The following ZNF91 variants were observed in gnomAD, a reference collection of about 807,000 sequenced individuals.
The protein encoded by ZNF91 is zinc finger protein 91, also known as zinc finger protein 91 (HPF7, HTF10).
A neutral mutation model predicts 12.6 loss-of-function variants in ZNF91; 7 were observed. That is an observed-to-expected ratio of 0.55 (90% CI 0.31 to 1.04). ZNF91 has a LOEUF of 1.04. ZNF91 is among the 50% of genes least tolerant of loss of function. The probability of loss-of-function intolerance (pLI) is 0.05; values close to 1 mark genes in which losing one functional copy is unlikely to be tolerated. For synonymous variants in ZNF91, 453 were observed against 462.6 expected (o/e 0.98, Z 0.27); for missense variants, 1,217 against 1,385.4 (o/e 0.88, Z 1.93).
At chr19:23,315,766 T>C (rs1967547334) in intron 1 of ZNF91, among the ~76,000 whole-genome samples, 1 of 152,198 alleles carries the variant, frequency 6.6e-6, no homozygotes. Context: ...GAGACATTGC[T>C]ACATATTTCT....
Position 23,361,033 on chromosome 19 carries a change from T to C in ZNF91, c.1946A>G (p.Lys649Arg). The change falls in exon 4 of 4, where the codon AAG (lysine) becomes AGG (arginine). Residue 649 changes from lysine to arginine, a missense_variant. This residue lies in a region of ZNF91 where 726 missense variants were observed against 895.5 expected (regional missense o/e 0.81). Transcript: ENST00000300619. ...GGGTTTCTCTCCAGTATGAATTCTC[T>C]TATGTTTAGCAAGGGCTGAAGAATG... ...FSHSSALAKH[K>R]RIHTGEKPYK... 6.2e-7 allele frequency: 1 copy of C among 1,603,654 alleles called. No homozygotes were observed. The highest frequency in any genetic ancestry group is 8.5e-7 in the Non-Finnish European group (1 of 1,171,748).
intron 1 of ZNF91, among the ~76,000 whole-genome samples, chr19:23,383,275 T>TTTTGGTAAA (rs1969776999): frequency 6.6e-6 from 1 of 152,208 alleles, no homozygotes; most frequent in African/African-American, 2.4e-5. Flanking sequence ...CAGAAAAAGC[T>TTTTGGTAAA]TTTGGTAAAT....
Position 23,388,456 on chromosome 19 carries a change from A to C in ZNF91, c.30+6869T>G, listed in dbSNP as rs554115267. On this transcript the variant is annotated intron_variant, in intron 1 of 3. Coordinates refer to ENST00000300619, the MANE Select transcript of ZNF91 (RefSeq NM_003430.4). ...AAAACAACAAAACTGAAGGCATTACATTACCTGTTTTCAAATTATACTACA... is the reference window on the plus strand; with the variant it reads ...AAAACAACAAAACTGAAGGCATTACCTTACCTGTTTTCAAATTATACTACA... Among the ~76,000 whole-genome samples the C allele has an allele frequency of 2.0e-5, 3 of 152,338 alleles. No homozygotes were observed. In the South Asian group the frequency reaches 6.2e-4, roughly 32 times the overall value.
intron 1 of ZNF91, among the ~76,000 whole-genome samples, chr19:23,319,783 C>T (rs1324627524): frequency 6.6e-6 from 1 of 152,210 alleles, no homozygotes; most frequent in African/African-American, 2.4e-5. Flanking sequence ...ATGTTACTCT[C>T]CTGCTTACTC....
At chr19:23,364,152 C>T (rs1028774042) in intron 3 of ZNF91, among the ~76,000 whole-genome samples, 1 of 152,196 alleles carries the variant, frequency 6.6e-6, no homozygotes, top group South Asian at 2.1e-4. Context: ...AACCCCGTCT[C>T]TACTAAAACT....
intron 1 of ZNF91, chr19:23,380,623 A>C (rs2145116881): frequency 6.6e-6 from 1 of 152,328 alleles, no homozygotes; most frequent in East Asian, 1.9e-4. Context: ...AAAGCGTCTT[A>C]AGAAAAAACT....
chr19:23,326,030 G>A (rs295416), intron 1 of ZNF91: 44,440 of 152,052 alleles, frequency 0.29, 6,855 homozygotes, highest in East Asian at 0.39. Context: ...CTGCCACACT[G>A]AATAATTCTT....
intron 1 of ZNF91, among the ~76,000 whole-genome samples, chr19:23,379,367 G>T (rs980068860): frequency 6.6e-6 from 1 of 152,184 alleles, no homozygotes; most frequent in Non-Finnish European, 1.5e-5. Context: ...TCTACACAGT[G>T]TTTGGGAAAT....
At chr19:23,390,461 T>C (rs770835450) in intron 1 of ZNF91, among the ~76,000 whole-genome samples, 1 of 152,198 alleles carries the variant, frequency 6.6e-6, no homozygotes, top group Non-Finnish European at 1.5e-5. Context: ...CCAAGAACAC[T>C]TTATGGTGGG....
chr19:23,336,076 C>A (rs1968003212), downstream of ZNF91, among the ~76,000 whole-genome samples: 1 of 152,180 alleles, frequency 6.6e-6, no homozygotes, highest in Admixed American at 6.5e-5. Flanking sequence ...TTGTATATGG[C>A]AGGTTTTACA....
chr19:23,370,152 A>T (rs1374569395), intron 3 of ZNF91, among the ~76,000 whole-genome samples: 1 of 152,162 alleles, frequency 6.6e-6, no homozygotes, highest in Non-Finnish European at 1.5e-5. Context: ...CCATTTATGA[A>T]TCTATATCTA....
intron 3 of ZNF91, among the ~76,000 whole-genome samples, chr19:23,343,083 TA>T (rs1968156580): frequency 6.6e-6 from 1 of 152,228 alleles, no homozygotes; most frequent in East Asian, 1.9e-4. Flanking sequence ...AAAACCACTG[TA>T]GGTACTGTAG....
chr19:23,370,096 T>C (rs1969213524), intron 3 of ZNF91, among the ~76,000 whole-genome samples: 1 of 151,826 alleles, frequency 6.6e-6, no homozygotes, highest in Non-Finnish European at 1.5e-5. Flanking sequence ...TATTTTATAA[T>C]GTTATAAATG....
rs1250988358 is a variant in ZNF91, at chr19:23,351,382, G to A, written c.254-12328C>T. ...AAAGAAAAATGCTTTCAATACTTCA[G>A]GGTATAAATTCAAGTGAGTATTATT... On this transcript the variant is annotated intron_variant, in intron 3 of 3. Transcript: ENST00000599743. Among the ~76,000 whole-genome samples the A allele has an allele frequency of 3.3e-5, 5 of 151,956 alleles. No homozygotes were observed. In the East Asian group the frequency reaches 9.7e-4, roughly 29 times the overall value.
At chr19:23,331,328 T>C (rs1433728663) in intron 1 of ZNF91, among the ~76,000 whole-genome samples, 7 of 152,206 alleles carry the variant, frequency 4.6e-5, no homozygotes, top group African/African-American at 1.7e-4. Flanking sequence ...TTGAGTTTAC[T>C]TCAGAGAAGT....
chr19:23,365,891 C>T (rs916050469), intron 3 of ZNF91, among the ~76,000 whole-genome samples: 1 of 152,174 alleles, frequency 6.6e-6, no homozygotes, highest in Non-Finnish European at 1.5e-5. Context: ...GGGGTAAGGT[C>T]ATAGATCAAC....
At chr19:23,328,627 C>G (rs1289239539) in intron 1 of ZNF91, 3 of 152,060 alleles carry the variant, frequency 2.0e-5, no homozygotes, top group Non-Finnish European at 4.4e-5. Flanking sequence ...CTATTTTTAC[C>G]CAAGTAGTAA....
intron 1 of ZNF91, chr19:23,329,187 T>G (rs902281053): frequency 5.9e-5 from 9 of 152,230 alleles, no homozygotes; most frequent in Admixed American, 4.6e-4. Flanking sequence ...TGACCTGAGC[T>G]TTTGAATGAT....
At chr19:23,379,687 A>T (rs1429038977) in intron 1 of ZNF91, among the ~76,000 whole-genome samples, 2 of 152,262 alleles carry the variant, frequency 1.3e-5, no homozygotes, top group Non-Finnish European at 2.9e-5. Context: ...TTGCAACTTG[A>T]AGCCAGGTGC....
Sources: gnomAD v4.1 joint callset for allele counts (sites outside exome capture counted in the v4.1 genomes callset) on GRCh38, gnomAD v4.1.1 for gene constraint, gnomAD v4.1.1 regional missense constraint, MANE v1.5 for transcripts, NCBI Gene and HGNC (gene_info 2026-07-23, HGNC 2026-07-21) for gene names.